HSPA4: variants seen among roughly 807,000 people sequenced by gnomAD.
The protein encoded by HSPA4 is heat shock protein family A (Hsp70) member 4.
HSPA4 carries 25 observed loss-of-function variants against 106.2 expected under a neutral mutation model. The ratio of observed to expected loss-of-function variants is 0.24; its 90% CI spans 0.17 to 0.33. HSPA4 has a LOEUF of 0.33. Among genes scored for constraint, HSPA4 ranks in the 10% least tolerant of loss-of-function variants. The probability of loss-of-function intolerance (pLI) is 1.00; values close to 1 mark genes in which losing one functional copy is unlikely to be tolerated. For missense variants in HSPA4, 841 were observed against 996.0 expected, an observed-to-expected ratio of 0.84 and a Z score of 2.10; for synonymous variants, 332 against 333.6, an observed-to-expected ratio of 1.00 and a Z score of 0.05.
chr5:133,098,648 T>C (rs1278948876), intron 15 of HSPA4, among the ~76,000 whole-genome samples: 3 of 150,492 alleles, frequency 2.0e-5, no homozygotes, highest in Non-Finnish European at 4.4e-5. Flanking sequence ...ATTTACTCAT[T>C]GGTTGATGGG....
At chr5:133,102,498 C>A (rs2126718439) in intron 17 of HSPA4, among the ~76,000 whole-genome samples, 1 of 152,260 alleles carries the variant, frequency 6.6e-6, no homozygotes, top group South Asian at 2.1e-4. Flanking sequence ...CACACAGTAC[C>A]TTTATAAGGT....
chr5:133,104,501 A>G lies in HSPA4; in HGVS notation c.*65A>G, dbSNP rs571731462. On this transcript the variant is annotated 3_prime_UTR_variant, in exon 19 of 19. Transcript: ENST00000304858. ...CTTTAAGTTGTCAACTTTGTTCTAA[A>G]TATCAACTAGCGCAAGTGAATACTG... 3.5e-6 allele frequency: 5 copies of G among 1,435,406 alleles called. No homozygotes were observed. The highest frequency in any genetic ancestry group is 2.3e-5 in the East Asian group (1 of 43,826). 88.9% of individuals were successfully genotyped at this position (1,435,406 alleles called of 1,614,324 possible).
Position 133,076,840 on chromosome 5 carries a change from C to T in HSPA4, c.850C>T (p.Leu284Phe). The T allele has an allele frequency of 6.2e-7, 1 of 1,609,730 alleles. No homozygotes were observed. Among genetic ancestry groups the T allele is most frequent in the Non-Finnish European group, 8.5e-7 (1 of 1,176,078 alleles). The change falls in exon 7 of 19, where the codon CTC becomes TTC. Residue 284 changes from leucine (L) to phenylalanine (F), a missense_variant. This residue lies in a region of HSPA4 where 347 missense variants were observed against 408.7 expected (regional missense o/e 0.85). Coordinates refer to ENST00000304858, the MANE Select transcript of HSPA4 (RefSeq NM_002154.4). ...KKLMSANASD[L>F]PLSIECFMND... ...ATTGATGAGTGCAAATGCTTCAGATCTCCCTTTGAGCATTGAATGTTTTAT... is the reference window on the plus strand; with the variant it reads ...ATTGATGAGTGCAAATGCTTCAGATTTCCCTTTGAGCATTGAATGTTTTAT...
intron 17 of HSPA4, among the ~76,000 whole-genome samples, chr5:133,102,523 A>G (rs1765800460): frequency 6.6e-6 from 1 of 152,310 alleles, no homozygotes; most frequent in Admixed American, 6.5e-5. Flanking sequence ...GGTGGTATCA[A>G]CATTTATAGA....
chr5:133,088,894 A>G (rs1207958150), intron 9 of HSPA4, among the ~76,000 whole-genome samples, 161 bp from the exon 10 acceptor site: 1 of 152,244 alleles, frequency 6.6e-6, no homozygotes, highest in African/African-American at 2.4e-5. Context: ...GGTAATTGAC[A>G]TGATAGAAGT....
At chr5:133,092,025 T>C (rs6864692) in intron 12 of HSPA4, among the ~76,000 whole-genome samples, 3,450 of 152,262 alleles carry the variant, frequency 0.023, 130 homozygotes, top group African/African-American at 0.075. Context: ...CTCTAGCCTA[T>C]GTGTCAGAGT....
chr5:133,058,547 G>GC (rs1315587966), intron 1 of HSPA4, among the ~76,000 whole-genome samples: 4 of 150,312 alleles, frequency 2.7e-5, no homozygotes, highest in African/African-American at 9.8e-5. Flanking sequence ...GTGTGGTGGT[G>GC]CATGCCTGTA....
chr5:133,096,091 GTT>G lies in HSPA4; in HGVS notation c.1651-4_1651-3del. ...GTGTTTGTTCTTAATGATTTCTATT[GTT>G]TTAGACCTCTCAAGCTGGATCCAAG... is the stretch of plus-strand genomic sequence containing the variant. On this transcript the variant is annotated splice_region_variant and splice_polypyrimidine_tract_variant and intron_variant, in intron 13 of 18. Transcript: ENST00000304858. 1 of 1,612,536 alleles carries G rather than the reference GTT, an allele frequency of 6.2e-7. No individual in the cohort carries two copies. Among genetic ancestry groups the G allele is most frequent in the African/African-American group, 1.3e-5 (1 of 74,962 alleles).
intron 7 of HSPA4, 45 bp downstream of exon 7, chr5:133,076,943 C>A: frequency 6.8e-7 from 1 of 1,478,186 alleles, no homozygotes; most frequent in South Asian, 1.2e-5. Flanking sequence ...AGTGAGTTTT[C>A]TCCACATATA....
chr5:133,068,381 G>T (rs1277146925), intron 3 of HSPA4, among the ~76,000 whole-genome samples: 1 of 151,870 alleles, frequency 6.6e-6, no homozygotes, highest in East Asian at 1.9e-4. Flanking sequence ...GATGGATAGG[G>T]TGGACACATT....
At chr5:133,104,206 AC>A (rs1290158543) in intron 18 of HSPA4, 26 bp from the exon 19 acceptor site, 2 of 1,602,614 alleles carry the variant, frequency 1.2e-6, no homozygotes, top group Non-Finnish European at 1.7e-6. Flanking sequence ...TTTATAAGAA[AC>A]CAGTTTTCTG....
At chr5:133,092,241 G>A (rs1274555464) in intron 12 of HSPA4, among the ~76,000 whole-genome samples, 1 of 152,130 alleles carries the variant, frequency 6.6e-6, no homozygotes, top group Non-Finnish European at 1.5e-5. Flanking sequence ...ATTTTAACGT[G>A]TTCGCCTCCC....
In HSPA4 at chr5:133,092,825, T is replaced by TTTG. The variant is rs1765664769; in HGVS notation, c.1650+38_1650+39insGTT. The TTTG allele has an allele frequency of 2.4e-6, 3 of 1,237,360 alleles. No individual in the cohort carries two copies. In the African/African-American group the frequency reaches 5.2e-5, roughly 21 times the overall value. The allele number at this position is 1,237,360 out of a possible 1,614,324, so 76.6% of individuals were successfully genotyped here. A position where few individuals can be genotyped will look rare whatever the true frequency, so the allele number is the denominator to read the frequency against. ...GGTGGTGTTTTTTTTTTTTTTTTTT[T>TTTG]TTTTTTTTTTTTTGAGACAGAGTTT... is the stretch of plus-strand genomic sequence containing the variant. On this transcript the variant is annotated intron_variant, in intron 13 of 18. Coordinates refer to ENST00000304858, the MANE Select transcript of HSPA4 (RefSeq NM_002154.4).
At chr5:133,052,732 C>T (rs1442096784) in intron 1 of HSPA4, 3 of 193,492 alleles carry the variant, frequency 1.6e-5, no homozygotes, top group African/African-American at 7.0e-5. Flanking sequence ...CTTTTGAGTC[C>T]AACAGAAAGC....
At chr5:133,102,832 A>C (rs1402671076) in intron 17 of HSPA4, among the ~76,000 whole-genome samples, 1 of 149,428 alleles carries the variant, frequency 6.7e-6, no homozygotes, top group Non-Finnish European at 1.5e-5. Context: ...AATCTCTCTG[A>C]CTCAAGCAGT....
chr5:133,101,961 C>G (rs374665024), intron 17 of HSPA4, 83 bp downstream of exon 17: 8 of 1,013,110 alleles, frequency 7.9e-6, no homozygotes, highest in Non-Finnish European at 1.1e-5. Context: ...GAGTCTTGCT[C>G]TGTTGCCCAG....
Position 133,086,640 on chromosome 5 carries a change from C to T in HSPA4, c.909-142C>T, listed in dbSNP as rs1024599697. The T allele has an allele frequency of 1.5e-5, 9 of 618,174 alleles. No individual in the cohort carries two copies. In the East Asian group the frequency reaches 2.5e-4, roughly 17 times the overall value. The allele number at this position is 618,174 out of a possible 1,614,324, so 38.3% of individuals were successfully genotyped here. A position where few individuals can be genotyped will look rare whatever the true frequency, so the allele number is the denominator to read the frequency against. On this transcript the variant is annotated intron_variant, in intron 7 of 18. Transcript: ENST00000304858. ...CTGCACCATTTTCATTTTCTATTAC[C>T]TGGGAATGTATGAAGGATCCACTGT...
Position 133,095,742 on chromosome 5 carries a change from T to C in HSPA4, c.1651-356T>C, listed in dbSNP as rs564827625. On this transcript the variant is annotated intron_variant, in intron 13 of 18. Coordinates refer to ENST00000304858, the MANE Select transcript of HSPA4 (RefSeq NM_002154.4). Reference sequence around the variant, plus strand: ...ATAAAATTTACCATCTTAACTGCTTTTAAGTGTACCATTCAGTAGTGTTAA... The same window carrying C: ...ATAAAATTTACCATCTTAACTGCTTCTAAGTGTACCATTCAGTAGTGTTAA... Among the ~76,000 whole-genome samples, 9 of 152,308 alleles carry C rather than the reference T, an allele frequency of 5.9e-5. No homozygotes were observed. The South Asian group carries it at 1.9e-3, about 32-fold the overall frequency.
rs200640528 is a variant in HSPA4 at position 133,091,181 on chromosome 5, G to T, written c.1379-12G>T. On this transcript the variant is annotated splice_polypyrimidine_tract_variant and intron_variant, in intron 11 of 18. Transcript: ENST00000304858. ...TAGGTTATGTGTTCTTTTGTCTCTCGTATGTCCCTAGCTCAGTTTTCAGTT... is the reference window on the plus strand; with the variant it reads ...TAGGTTATGTGTTCTTTTGTCTCTCTTATGTCCCTAGCTCAGTTTTCAGTT... 3 of 1,609,756 alleles carry T rather than the reference G, an allele frequency of 1.9e-6. No homozygotes were observed. Among genetic ancestry groups the T allele is most frequent in the East Asian group, 2.2e-5 (1 of 44,850 alleles).
Sources: allele counts gnomAD v4.1 joint callset (sites outside exome capture counted in the v4.1 genomes callset), GRCh38; gene constraint gnomAD v4.1.1; regional missense constraint gnomAD v4.1.1; transcripts MANE v1.5; gene names NCBI Gene and HGNC (gene_info 2026-07-23, HGNC 2026-07-21).